RPN2: variants seen among roughly 807,000 people sequenced by gnomAD.
RPN2 encodes the protein dolichyl-diphosphooligosaccharide--protein glycosyltransferase subunit 2.
RPN2 carries 29 observed loss-of-function variants against 71.4 expected under a neutral mutation model. The observed-to-expected ratio is 0.41, with a 90% confidence interval of 0.30 to 0.55. RPN2 has a LOEUF of 0.55. Ranked by LOEUF, RPN2 falls within the 20% of genes least tolerant of loss-of-function variation. RPN2 has a pLI of 0.35. For missense variants in RPN2, 726 were observed against 774.1 expected, an observed-to-expected ratio of 0.94 and a Z score of 0.74; for synonymous variants, 308 against 305.0, an observed-to-expected ratio of 1.01 and a Z score of -0.10.
chr20:37,213,242 G>A (rs6130791), intron 8 of RPN2, among the ~76,000 whole-genome samples: 4 of 152,124 alleles, frequency 2.6e-5, no homozygotes, highest in Admixed American at 1.3e-4. Flanking sequence ...TTGAATTTTA[G>A]GAGTGGTGGG....
chr20:37,208,077 C>G (rs960301337), intron 7 of RPN2, among the ~76,000 whole-genome samples: 2 of 152,032 alleles, frequency 1.3e-5, no homozygotes, highest in Non-Finnish European at 2.9e-5. Flanking sequence ...TGAGACCATC[C>G]TGGCCAACAT....
rs78280466 is a variant in RPN2, at chr20:37,192,472, T to C, written c.208-5925T>C. Among the ~76,000 whole-genome samples, 962 of 152,310 alleles carry C rather than the reference T, an allele frequency of 6.3e-3. 12 individuals are homozygous for C. Among genetic ancestry groups the C allele is most frequent in the African/African-American group, 0.022 (932 of 41,560 alleles). On this transcript the variant is annotated intron_variant, in intron 2 of 16. Transcript: ENST00000237530. ...AGAGGGAGCCGGCACTCACCCTGTCTGCCAAGAAAGCCACAATCTTGCACT... is the reference window on the plus strand; with the variant it reads ...AGAGGGAGCCGGCACTCACCCTGTCCGCCAAGAAAGCCACAATCTTGCACT...
intron 9 of RPN2, among the ~76,000 whole-genome samples, chr20:37,220,358 A>G (rs1035882536): frequency 4.6e-5 from 7 of 152,184 alleles, no homozygotes; most frequent in Admixed American, 1.3e-4. Context: ...AGAGTGCATT[A>G]ACGGTGGTTT....
intron 3 of RPN2, among the ~76,000 whole-genome samples, chr20:37,198,725 G>A (rs2067312512): frequency 6.6e-6 from 1 of 151,686 alleles, no homozygotes; most frequent in South Asian, 2.1e-4. Context: ...CTTTTCTTCT[G>A]GTAGGTCTTG....
chr20:37,195,766 A>T (rs1175033459), intron 2 of RPN2, among the ~76,000 whole-genome samples: 4 of 152,140 alleles, frequency 2.6e-5, no homozygotes, highest in African/African-American at 9.7e-5. Flanking sequence ...GCTGCCTTGC[A>T]TTCCCCTGCT....
chr20:37,201,651 G>A (rs1009417768), intron 4 of RPN2, among the ~76,000 whole-genome samples: 13 of 152,180 alleles, frequency 8.5e-5, no homozygotes, highest in African/African-American at 3.1e-4. Flanking sequence ...GGGTTGTTTA[G>A]CCCGCCTAAA....
intron 9 of RPN2, among the ~76,000 whole-genome samples, chr20:37,214,586 A>C (rs1233224093): frequency 6.6e-6 from 1 of 152,164 alleles, no homozygotes; most frequent in African/African-American, 2.4e-5. Flanking sequence ...TTTGTCTTTC[A>C]TGACCTTGAC....
At chr20:37,184,515 A>C (rs1347490271) in intron 2 of RPN2, 142 bp downstream of exon 2, 1 of 838,276 alleles carries the variant, frequency 1.2e-6, no homozygotes, top group East Asian at 2.7e-5. Flanking sequence ...ATATTTGGCC[A>C]GGCGTGGTGA....
intron 15 of RPN2, 143 bp from the exon 16 acceptor site, chr20:37,236,437 G>T: frequency 2.3e-6 from 2 of 860,306 alleles, no homozygotes; most frequent in Non-Finnish European, 3.8e-6. Flanking sequence ...GCTACTTTTT[G>T]GCATCAGAGC....
chr20:37,220,104 C>T (rs879248719), intron 9 of RPN2, among the ~76,000 whole-genome samples: 5 of 152,190 alleles, frequency 3.3e-5, no homozygotes, highest in Admixed American at 2.0e-4. Context: ...GCCATTTACT[C>T]TCCTTTTCCT....
At chr20:37,215,386 A>T (rs570616849) in intron 9 of RPN2, among the ~76,000 whole-genome samples, 1 of 152,236 alleles carries the variant, frequency 6.6e-6, no homozygotes, top group East Asian at 1.9e-4. Context: ...AGCATGAGAC[A>T]TCTGATCTTA....
At chr20:37,210,848 AT>A (rs970315183) in intron 8 of RPN2, among the ~76,000 whole-genome samples, 11 of 150,730 alleles carry the variant, frequency 7.3e-5, no homozygotes, top group Admixed American at 7.3e-4. Context: ...ACATTTTATA[AT>A]TTTTTTTTGA....
chr20:37,202,018 A>AT (rs1287088272), intron 4 of RPN2, among the ~76,000 whole-genome samples: 1 of 152,216 alleles, frequency 6.6e-6, no homozygotes, highest in Non-Finnish European at 1.5e-5. Context: ...AGAAAAAGAA[A>AT]TTGCTGGCTG....
At chr20:37,238,909 TG>T (rs889003088) in intron 16 of RPN2, 4 of 485,356 alleles carry the variant, frequency 8.2e-6, no homozygotes, top group Non-Finnish European at 1.7e-5. Context: ...CATTGTGGTC[TG>T]GGGAGACTGT....
chr20:37,214,469 T>C (rs1373516457), intron 9 of RPN2, among the ~76,000 whole-genome samples: 1 of 152,238 alleles, frequency 6.6e-6, no homozygotes, highest in Non-Finnish European at 1.5e-5. Context: ...AATTGAAATT[T>C]ACCCCATCTG....
chr20:37,229,283 C>T (rs1449692086), intron 12 of RPN2, among the ~76,000 whole-genome samples: 4 of 152,216 alleles, frequency 2.6e-5, no homozygotes, highest in Admixed American at 6.5e-5. Flanking sequence ...GAGTAAACGT[C>T]TTGCAAGACA....
chr20:37,208,287 TA>T (rs1224669737), intron 7 of RPN2, among the ~76,000 whole-genome samples: 2 of 133,776 alleles, frequency 1.5e-5, no homozygotes, highest in Non-Finnish European at 3.2e-5. Flanking sequence ...AAAAAAAAAA[TA>T]CAGGCTTTCA....
At chr20:37,204,182 T>C (rs2067459809) in intron 5 of RPN2, among the ~76,000 whole-genome samples, 1 of 152,202 alleles carries the variant, frequency 6.6e-6, no homozygotes, top group Non-Finnish European at 1.5e-5. Context: ...TTATTATTGC[T>C]CTATCCTTGC....
At position 37,179,534 on chromosome 20, in the gene RPN2, C is replaced by G. The variant is rs534002466; in HGVS notation, c.13+165C>G. ...GGATCGAGGGTCCGAAGGAGGGCTG[C>G]GAGCTGGTGGGAGTGCCCGCGACCT... On this transcript the variant is annotated intron_variant, in intron 1 of 16. Transcript: ENST00000237530. 2.3e-3 allele frequency: 3,191 copies of G among 1,393,716 alleles called. 7 individuals are homozygous for G. Among genetic ancestry groups the G allele is most frequent in the Non-Finnish European group, 2.9e-3 (3,061 of 1,070,620 alleles). 86.3% of individuals were successfully genotyped at this position (1,393,716 alleles called of 1,614,324 possible).
Sources: gnomAD v4.1 joint callset for allele counts (sites outside exome capture counted in the v4.1 genomes callset) on GRCh38, gnomAD v4.1.1 for gene constraint, MANE v1.5 for transcripts, NCBI Gene and HGNC (gene_info 2026-07-23, HGNC 2026-07-21) for gene names.